The following KANK1 variants were observed in gnomAD, a reference collection of about 807,000 sequenced individuals.
KANK1 encodes the protein KN motif and ankyrin repeat domains 1.
In KANK1, 109 loss-of-function variants were observed where a neutral mutation model predicts 106.2. The observed-to-expected ratio is 1.03, with a 90% CI of 0.88 to 1.20. The LOEUF (loss-of-function observed/expected upper bound fraction) is 1.20. Ranked by LOEUF, KANK1 falls within the 50% of genes most tolerant of loss-of-function variation. The probability of loss-of-function intolerance (pLI) is 0.00; values close to 1 mark genes in which losing one functional copy is unlikely to be tolerated. For missense variants in KANK1, 2,399 were observed against 1,710.7 expected (o/e 1.40, Z -7.10); for synonymous variants, 873 against 652.2 (o/e 1.34, Z -5.16).
At chr9:607,799 A>C (rs542156161) in intron 1 of KANK1, among the ~76,000 whole-genome samples, 113 of 151,790 alleles carry the variant, frequency 7.4e-4, no homozygotes, top group Non-Finnish European at 1.2e-3. Context: ...TAACGATTTT[A>C]GGCAAAGAAA....
chr9:573,059 C>G (rs1819618006), intron 1 of KANK1, among the ~76,000 whole-genome samples: 1 of 152,050 alleles, frequency 6.6e-6, no homozygotes, highest in East Asian at 1.9e-4. Flanking sequence ...TAATTACTGG[C>G]AGATATGGAA....
chr9:677,626 G>C (rs1028364711), intron 2 of KANK1: 6 of 152,218 alleles, frequency 3.9e-5, no homozygotes, highest in Admixed American at 3.9e-4. Context: ...CCTCCTAAGA[G>C]ACACATCACC....
chr9:738,200 TA>T, intron 7 of KANK1, 84 bp from the exon 8 acceptor site: 1 of 1,123,814 alleles, frequency 8.9e-7, no homozygotes, highest in Non-Finnish European at 1.3e-6. Context: ...ACTTTGACTA[TA>T]AAAGGACAGG....
chr9:614,680 T>C (rs914135196), intron 1 of KANK1, among the ~76,000 whole-genome samples: 2 of 152,174 alleles, frequency 1.3e-5, no homozygotes, highest in South Asian at 2.1e-4. Flanking sequence ...TGCATTTCCG[T>C]GTGCCTCCTG....
At chr9:573,709 C>G (rs1819807806) in intron 1 of KANK1, among the ~76,000 whole-genome samples, 1 of 152,048 alleles carries the variant, frequency 6.6e-6, no homozygotes, top group Non-Finnish European at 1.5e-5. Context: ...CGTTTTCTAG[C>G]TCAACACTCC....
At chr9:581,214 G>T (rs1298098786) in intron 1 of KANK1, among the ~76,000 whole-genome samples, 2 of 152,144 alleles carry the variant, frequency 1.3e-5, no homozygotes, top group East Asian at 3.9e-4. Flanking sequence ...GCCCAGAGAG[G>T]GGCTCCCACA....
chr9:661,266 C>G lies in KANK1; in HGVS notation c.-83-15624C>G, dbSNP rs1843240935. Among the ~76,000 whole-genome samples the G allele has an allele frequency of 2.1e-5, 3 of 144,252 alleles. No individual in the cohort carries two copies. In the Admixed American group the frequency reaches 2.1e-4, roughly 10 times the overall value. 94.6% of individuals were successfully genotyped at this position (144,252 alleles called of 152,430 possible). A position where few individuals can be genotyped will look rare whatever the true frequency, so the allele number is the denominator to read the frequency against. ...ATTAGGTATTTCTCTTAATGCTATC[C>G]CTCCTCTCTTCCCCCTCCCCACAAC... is the stretch of plus-strand genomic sequence containing the variant. On this transcript the variant is annotated intron_variant, in intron 1 of 11. Coordinates refer to ENST00000382297, the MANE Select transcript of KANK1 (RefSeq NM_015158.5).
chr9:634,844 A>G (rs1166621202), intron 1 of KANK1, among the ~76,000 whole-genome samples: 9 of 152,172 alleles, frequency 5.9e-5, no homozygotes, highest in African/African-American at 2.2e-4. Context: ...TGATATCATT[A>G]GGGGCCCAGG....
chr9:692,474 A>G (rs1820199000), intron 2 of KANK1, among the ~76,000 whole-genome samples: 1 of 150,996 alleles, frequency 6.6e-6, no homozygotes, highest in Non-Finnish European at 1.5e-5. Flanking sequence ...CAAGACCTCC[A>G]TTAGTAAGAG....
intron 1 of KANK1, among the ~76,000 whole-genome samples, chr9:557,068 A>G (rs751181330): frequency 1.6e-4 from 25 of 152,046 alleles, no homozygotes; most frequent in Non-Finnish European, 3.5e-4. Context: ...CTGCAATCCT[A>G]GTACTTTGAG....
At chr9:741,325 C>CT (rs71314736) in intron 9 of KANK1, among the ~76,000 whole-genome samples, 39,520 of 146,194 alleles carry the variant, frequency 0.27, 5,875 homozygotes, top group Non-Finnish European at 0.36. Context: ...CACAGCTTGA[C>CT]TTTTTTTTTT....
chr9:568,540 A>G (rs573243692), intron 1 of KANK1, among the ~76,000 whole-genome samples: 1 of 152,076 alleles, frequency 6.6e-6, no homozygotes, highest in Non-Finnish European at 1.5e-5. Flanking sequence ...CCCAGGTTGG[A>G]GTGCAGTGGT....
chr9:578,201 T>C (rs1373811634), intron 1 of KANK1, among the ~76,000 whole-genome samples: 1 of 152,188 alleles, frequency 6.6e-6, no homozygotes, highest in East Asian at 1.9e-4. Flanking sequence ...AATAAATCAG[T>C]AAAAGCATTC....
chr9:732,401 AT>A lies in KANK1; in HGVS notation c.3031del (p.Ser1011ProfsTer48). 4 of 1,612,534 alleles carry A rather than the reference AT, an allele frequency of 2.5e-6. No homozygotes were observed. The highest frequency in any genetic ancestry group is 3.4e-6 in the Non-Finnish European group (4 of 1,178,606). On this transcript the variant is annotated frameshift_variant, in exon 6 of 12. Transcript: ENST00000382297. LOFTEE classifies it high-confidence loss of function. ...NGGYETTSSD[D>X]SSSDESSSSE... ...AGGTATGAAACAACTTCAAGTGATG[AT>A]TCCAGCTCAGATGAAAGCTCTTCTT... is the stretch of plus-strand genomic sequence containing the variant.
At chr9:602,630 C>G (rs1828050426) in intron 1 of KANK1, among the ~76,000 whole-genome samples, 1 of 151,812 alleles carries the variant, frequency 6.6e-6, no homozygotes, top group Non-Finnish European at 1.5e-5. Context: ...CAATGTGTAA[C>G]TACAGATTCA....
chr9:572,588 G>A (rs190821822), intron 1 of KANK1, among the ~76,000 whole-genome samples: 26 of 151,968 alleles, frequency 1.7e-4, no homozygotes, highest in Admixed American at 8.5e-4. Context: ...ACAGGGTCTC[G>A]ATATGTTGCC....
chr9:475,581 TA>T, intron 3 of KANK1, among the ~76,000 whole-genome samples: 1 of 152,326 alleles, frequency 6.6e-6, no homozygotes, highest in African/African-American at 2.4e-5. Context: ...AGTTATGCCC[TA>T]CAAACCAAAA....
upstream of KANK1, among the ~76,000 whole-genome samples, chr9:502,998 CTGA>C (rs1486464923): frequency 6.2e-5 from 8 of 129,572 alleles, no homozygotes; most frequent in Admixed American, 8.2e-5. Context: ...TCGCGCCCAG[CTGA>C]TTTTTTTTTT....
At chr9:738,195 G>C (rs139646276) in intron 7 of KANK1, 90 bp from the exon 8 acceptor site, 54 of 1,053,966 alleles carry the variant, frequency 5.1e-5, no homozygotes, top group Middle Eastern at 5.5e-4. Flanking sequence ...TATATACTTT[G>C]ACTATAAAAG....
Sources: gnomAD v4.1 joint callset for allele counts (sites outside exome capture counted in the v4.1 genomes callset) on GRCh38, gnomAD v4.1.1 for gene constraint, MANE v1.5 for transcripts, NCBI Gene and HGNC (gene_info 2026-07-23, HGNC 2026-07-21) for gene names.